PBX1: variants seen among roughly 807,000 people sequenced by gnomAD.
The protein encoded by PBX1 is pre-B-cell leukemia transcription factor 1.
PBX1 carries 6 observed loss-of-function variants against 53.4 expected under a neutral mutation model. That is an observed-to-expected ratio of 0.11 (90% confidence interval 0.06 to 0.22). PBX1 has a LOEUF of 0.22. PBX1 is among the 10% of genes least tolerant of loss of function. The pLI, the probability that PBX1 is intolerant of heterozygous loss-of-function variation, is 1.00. For missense variants in PBX1, 251 were observed against 551.4 expected (o/e 0.46, Z 5.46); for synonymous variants, 204 against 212.3 (o/e 0.96, Z 0.34).
chr1:164,586,534 G>A (rs998302789), intron 2 of PBX1, among the ~76,000 whole-genome samples: 1 of 152,170 alleles, frequency 6.6e-6, no homozygotes, highest in Non-Finnish European at 1.5e-5. Flanking sequence ...CTGTAATGGG[G>A]GCACTAGTTA....
chr1:164,811,581 A>G (rs748141689), intron 5 of PBX1, among the ~76,000 whole-genome samples: 3 of 152,224 alleles, frequency 2.0e-5, no homozygotes, highest in Non-Finnish European at 4.4e-5. Context: ...ACATTTAAAG[A>G]TCTGTGTATC....
intron 2 of PBX1, among the ~76,000 whole-genome samples, chr1:164,775,295 C>T (rs1667589413): frequency 6.6e-6 from 1 of 152,174 alleles, no homozygotes; most frequent in African/African-American, 2.4e-5. Flanking sequence ...CCCAGACTTG[C>T]CACATTCTGA....
intron 2 of PBX1, among the ~76,000 whole-genome samples, chr1:164,766,738 AT>A (rs35564181): frequency 0.062 from 4,289 of 69,158 alleles, 56 homozygotes; most frequent in Non-Finnish European, 0.09. Flanking sequence ...TTATTTATTT[AT>A]TTTTTTTTTT....
intron 2 of PBX1, among the ~76,000 whole-genome samples, chr1:164,654,487 A>T (rs1660029196): frequency 6.7e-6 from 1 of 149,762 alleles, no homozygotes; most frequent in South Asian, 2.2e-4. Flanking sequence ...TGGGTTGAAC[A>T]CATTTGAGGA....
chr1:164,770,879 C>G (rs2102245328), intron 2 of PBX1: 1 of 152,308 alleles, frequency 6.6e-6, no homozygotes, highest in African/African-American at 2.4e-5. Flanking sequence ...ATTCCAAAGA[C>G]TGCTGCTTGT....
At chr1:164,736,671 C>T (rs1315562855) in intron 2 of PBX1, among the ~76,000 whole-genome samples, 4 of 151,866 alleles carry the variant, frequency 2.6e-5, no homozygotes, top group African/African-American at 7.3e-5. Flanking sequence ...AATTGTGAAG[C>T]AAATATGAGG....
rs58672684 is a variant in PBX1 at position 164,845,728 on chromosome 1, T to A, written c.1201-856T>A. ...TTGGGATGCTCCTGGATCTAGAGTCTTGTAAAATGATCTCCAAATATTGAT... is the reference window on the plus strand; with the variant it reads ...TTGGGATGCTCCTGGATCTAGAGTCATGTAAAATGATCTCCAAATATTGAT... On this transcript the variant is annotated intron_variant, in intron 8 of 8. Coordinates refer to ENST00000420696, the MANE Select transcript of PBX1 (RefSeq NM_002585.4). Among the ~76,000 whole-genome samples, 381 of 152,282 alleles carry A rather than the reference T, an allele frequency of 2.5e-3. 3 individuals carry two copies. Among genetic ancestry groups the A allele is most frequent in the African/African-American group, 8.8e-3 (365 of 41,552 alleles).
chr1:164,786,744 C>G, intron 2 of PBX1, among the ~76,000 whole-genome samples: 1 of 149,994 alleles, frequency 6.7e-6, no homozygotes. Flanking sequence ...CACACACGCA[C>G]AGAATAGATA....
intron 2 of PBX1, among the ~76,000 whole-genome samples, chr1:164,691,930 A>T (rs1168205468): frequency 6.6e-6 from 1 of 152,248 alleles, no homozygotes; most frequent in Non-Finnish European, 1.5e-5. Context: ...GCACAAAATC[A>T]TTAAAGTGTT....
chr1:164,664,836 C>T (rs2101956979), intron 2 of PBX1, among the ~76,000 whole-genome samples: 1 of 152,266 alleles, frequency 6.6e-6, no homozygotes, highest in South Asian at 2.1e-4. Context: ...TCTCGTGAGA[C>T]TTATTTGCTA....
At chr1:164,810,130 T>G (rs1285496796) in intron 5 of PBX1, among the ~76,000 whole-genome samples, 1 of 152,178 alleles carries the variant, frequency 6.6e-6, no homozygotes, top group East Asian at 1.9e-4. Context: ...TACTTCCTAA[T>G]GGACTTCATC....
chr1:164,631,552 T>G (rs1326136536), intron 2 of PBX1, among the ~76,000 whole-genome samples: 1 of 152,238 alleles, frequency 6.6e-6, no homozygotes, highest in Non-Finnish European at 1.5e-5. Context: ...TCATTATTTA[T>G]TTTAGTTATT....
At chr1:164,675,353 C>T (rs1661372906) in intron 2 of PBX1, among the ~76,000 whole-genome samples, 1 of 152,138 alleles carries the variant, frequency 6.6e-6, no homozygotes, top group Non-Finnish European at 1.5e-5. Context: ...TAGGTTGGTG[C>T]AAAAGTAATT....
rs571704173 is a variant in PBX1, at chr1:164,862,021, C to T, written n.257+30538C>T. On this transcript the variant is annotated intron_variant and non_coding_transcript_variant, in intron 2 of 2. Coordinates refer to the PBX1 transcript ENST00000558796. ...AACTTTAGCTATTCTTTTGAGTGAA[C>T]CTGGAGGCCTTGGAATGTTTGGGAT... is the stretch of plus-strand genomic sequence containing the variant. Among the ~76,000 whole-genome samples, 19 of 152,180 alleles carry T rather than the reference C, an allele frequency of 1.2e-4. 1 individual carries two copies. The East Asian group carries it at 2.5e-3, about 20-fold the overall frequency.
At chr1:164,661,406 C>G (rs1660481489) in intron 2 of PBX1, among the ~76,000 whole-genome samples, 1 of 149,810 alleles carries the variant, frequency 6.7e-6, no homozygotes, top group Admixed American at 6.7e-5. Flanking sequence ...GGATCACCAG[C>G]AATTTCACTG....
At chr1:164,747,319 G>GTA (rs374220820) in intron 2 of PBX1, among the ~76,000 whole-genome samples, 4,342 of 149,954 alleles carry the variant, frequency 0.029, 86 homozygotes, top group African/African-American at 0.047. Flanking sequence ...TATGAATCAT[G>GTA]TATATATATA....
intron 2 of PBX1, among the ~76,000 whole-genome samples, chr1:164,656,845 A>G (rs539730720): frequency 1.3e-5 from 2 of 152,150 alleles, no homozygotes; most frequent in South Asian, 4.1e-4. Flanking sequence ...TATTACATAT[A>G]TTATATTATC....
intron 2 of PBX1, among the ~76,000 whole-genome samples, chr1:164,767,317 G>A (rs903683560): frequency 3.9e-5 from 6 of 152,080 alleles, no homozygotes; most frequent in Admixed American, 3.9e-4. Flanking sequence ...CAAACACGGG[G>A]TCCTTCTGCA....
At chr1:164,885,016 T>G (rs986448911) in intron 2 of PBX1, among the ~76,000 whole-genome samples, 5 of 152,338 alleles carry the variant, frequency 3.3e-5, no homozygotes, top group African/African-American at 1.2e-4. Flanking sequence ...GCATCTCCCC[T>G]GTACCGGTCA....
Sources: gnomAD v4.1 joint callset for allele counts (sites outside exome capture counted in the v4.1 genomes callset) on GRCh38, gnomAD v4.1.1 for gene constraint, MANE v1.5 for transcripts, NCBI Gene and HGNC (gene_info 2026-07-23, HGNC 2026-07-21) for gene names.